Variants in NKIRAS1 observed in about 807,000 individuals in gnomAD.
NKIRAS1 encodes NF-kappa-B inhibitor-interacting Ras-like protein 1.
In NKIRAS1, 16 loss-of-function variants were observed where a neutral mutation model predicts 19.8. The observed-to-expected ratio is 0.81, with a 90% CI of 0.55 to 1.23. The LOEUF is 1.23. Among genes scored for constraint, NKIRAS1 ranks in the 50% most tolerant of loss-of-function variants. NKIRAS1 has a pLI of 0.00. For synonymous variants in NKIRAS1, 88 were observed against 79.0 expected (o/e 1.11, Z -0.61); for missense variants, 184 against 220.0 (o/e 0.84, Z 1.04).
intron 1 of NKIRAS1, among the ~76,000 whole-genome samples, chr3:23,935,686 C>A (rs1705379815): frequency 6.6e-6 from 1 of 152,116 alleles, no homozygotes. Context: ...CCTTGGCTTC[C>A]CAAAGTGCTG....
intron 3 of NKIRAS1, among the ~76,000 whole-genome samples, chr3:23,905,081 G>A (rs895511809): frequency 4.6e-5 from 7 of 151,958 alleles, no homozygotes; most frequent in African/African-American, 9.7e-5. Context: ...TTCCCACCTC[G>A]GCCTCCCAAA....
Position 23,900,807 on chromosome 3 carries a change from C to G in NKIRAS1, c.336+1G>C, listed in dbSNP as rs1279928490. ...TTGGCATTTTTAACATATCCACTTG[C>G]CTCTTTTTTGTCTTTGAACTTATCG... On this transcript the variant is annotated splice_donor_variant, in intron 4 of 4. Transcript: ENST00000425478. LOFTEE classifies it high-confidence loss of function. 6.2e-7 allele frequency: 1 copy of G among 1,611,512 alleles called. No homozygotes were observed. The highest frequency in any genetic ancestry group is 1.3e-5 in the African/African-American group (1 of 74,734).
chr3:23,945,667 C>T, intron 1 of NKIRAS1: 1 of 326,512 alleles, frequency 3.1e-6, no homozygotes, highest in Non-Finnish European at 4.3e-6. Context: ...CTTTGGGGGG[C>T]GGCGGCAGGG....
chr3:23,942,138 C>A (rs1705511935), intron 1 of NKIRAS1, among the ~76,000 whole-genome samples: 1 of 151,978 alleles, frequency 6.6e-6, no homozygotes, highest in Non-Finnish European at 1.5e-5. Flanking sequence ...GCTACCACAT[C>A]CGGCTAATTT....
intron 1 of NKIRAS1, among the ~76,000 whole-genome samples, chr3:23,940,853 T>C (rs1162818223): frequency 1.3e-5 from 2 of 152,204 alleles, no homozygotes; most frequent in African/African-American, 4.8e-5. Flanking sequence ...ACAAATGTCA[T>C]GATGAACGGC....
chr3:23,944,996 G>T (rs956028711), intron 1 of NKIRAS1, among the ~76,000 whole-genome samples: 4 of 151,994 alleles, frequency 2.6e-5, no homozygotes, highest in African/African-American at 4.8e-5. Context: ...CCAGAGGCGG[G>T]AAAGGCAGCC....
intron 1 of NKIRAS1, among the ~76,000 whole-genome samples, chr3:23,945,810 C>CGGCGCCCGGCCCGG (rs1705663547): frequency 6.6e-6 from 1 of 150,376 alleles, no homozygotes; most frequent in African/African-American, 2.4e-5. Context: ...GCGCGGCCTG[C>CGGCGCCCGGCCCGG]CGGCGCCCGG....
rs561779853 is a variant in NKIRAS1, at chr3:23,939,699, G to A, written c.-140+6624C>T. Among the ~76,000 whole-genome samples, 9 of 152,340 alleles carry A rather than the reference G, an allele frequency of 5.9e-5. No homozygotes were observed. In the South Asian group the frequency reaches 1.2e-3, roughly 21 times the overall value. ...GTGGAGGTTACAGTGAGCTGAGATC[G>A]TGCCACTGCACTCCAGTCTGGGTGA... is the stretch of plus-strand genomic sequence containing the variant. On this transcript the variant is annotated intron_variant, in intron 1 of 4. Transcript: ENST00000421515.
chr3:23,923,379 C>G (rs1038136875), intron 1 of NKIRAS1: 4 of 152,066 alleles, frequency 2.6e-5, no homozygotes, highest in African/African-American at 9.7e-5. Context: ...GCCACTACAT[C>G]CAGCTATTTT....
intron 1 of NKIRAS1, chr3:23,945,660 TGGG>T: frequency 2.4e-5 from 6 of 255,232 alleles, no homozygotes; most frequent in East Asian, 2.3e-4. Context: ...CGGGGCACTT[TGGG>T]GGGCGGCGGC....
rs139713281 is a variant in NKIRAS1 at position 23,907,411 on chromosome 3, C to T, written c.94+3400G>A. Among the ~76,000 whole-genome samples, 1,392 of 152,236 alleles carry T rather than the reference C, an allele frequency of 9.1e-3. 23 individuals are homozygous for T. Among genetic ancestry groups the T allele is most frequent in the African/African-American group, 0.031 (1,299 of 41,548 alleles). On this transcript the variant is annotated intron_variant, in intron 3 of 4. Coordinates refer to ENST00000425478, the MANE Select transcript of NKIRAS1 (RefSeq NM_020345.4). ...GGGGGCGGTGTTGGCACCCCTAACC[C>T]GTGCACTGTTGAAGGGTCAATTGTA...
intron 3 of NKIRAS1, among the ~76,000 whole-genome samples, chr3:23,905,896 T>C (rs1276899144): frequency 1.3e-5 from 2 of 151,790 alleles, no homozygotes; most frequent in African/African-American, 4.8e-5. Context: ...CAGTGGCTCA[T>C]GCCTATAATC....
At chr3:23,917,557 T>C (rs879522517), upstream of NKIRAS1, 2 of 300,630 alleles carry the variant, frequency 6.7e-6, no homozygotes, top group Non-Finnish European at 1.2e-5. Context: ...AGGTCCTCCT[T>C]GGGGACGCCG....
intron 4 of NKIRAS1, among the ~76,000 whole-genome samples, chr3:23,899,071 G>C (rs564698320): frequency 3.9e-5 from 6 of 152,206 alleles, no homozygotes; most frequent in African/African-American, 1.2e-4. Flanking sequence ...CCGGTCCCTG[G>C]TGCCAAAAAG....
rs1701392045 is a variant in NKIRAS1 at position 23,890,699 on chromosome 3, G to A, written c.*2396C>T. 1 of 1,111,810 alleles carries A rather than the reference G, an allele frequency of 9.0e-7. No homozygotes were observed. The highest frequency in any genetic ancestry group is 2.7e-5 in the Admixed American group (1 of 36,696). 68.9% of individuals were successfully genotyped at this position (1,111,810 alleles called of 1,614,324 possible). Reference sequence around the variant, plus strand: ...GTCAGGGAGGGTGGGAGTTGGTAAAGAGTAGGGTATTTCTATAACAGATAT... The same window carrying A: ...GTCAGGGAGGGTGGGAGTTGGTAAAAAGTAGGGTATTTCTATAACAGATAT... On this transcript the variant is annotated 3_prime_UTR_variant, in exon 5 of 5. Coordinates refer to ENST00000425478, the MANE Select transcript of NKIRAS1 (RefSeq NM_020345.4).
chr3:23,921,423 C>T (rs1705073833), upstream of NKIRAS1, among the ~76,000 whole-genome samples: 1 of 152,196 alleles, frequency 6.6e-6, no homozygotes. Flanking sequence ...ACACCAAACA[C>T]TTCCTAATGC....
Position 23,897,435 on chromosome 3 carries a change from A to G in NKIRAS1, c.336+3373T>C, listed in dbSNP as rs185075895. On this transcript the variant is annotated intron_variant, in intron 4 of 4. Transcript: ENST00000425478. ...TTTGAACCATGTGCAAACATTACTT[A>G]TTCAATTTTTTAAAACCAAACATGA... 6.6e-5 allele frequency among the ~76,000 whole-genome samples: 10 copies of G among 152,324 alleles called. No homozygotes were observed. In the East Asian group the frequency reaches 1.5e-3, roughly 24 times the overall value.
chr3:23,924,075 G>A (rs1705164958), intron 1 of NKIRAS1: 1 of 152,150 alleles, frequency 6.6e-6, no homozygotes, highest in African/African-American at 2.4e-5. Flanking sequence ...CCACAACTGT[G>A]GAAGCCAGTG....
intron 1 of NKIRAS1, among the ~76,000 whole-genome samples, chr3:23,941,275 G>A (rs749121815): frequency 7.2e-5 from 11 of 151,980 alleles, no homozygotes; most frequent in Non-Finnish European, 1.6e-4. Flanking sequence ...ACTGCAGTGC[G>A]CCACTTGGCC....
Sources: allele counts gnomAD v4.1 joint callset (sites outside exome capture counted in the v4.1 genomes callset), GRCh38; gene constraint gnomAD v4.1.1; transcripts MANE v1.5; gene names NCBI Gene and HGNC (gene_info 2026-07-23, HGNC 2026-07-21).